KDM6A: variants seen among roughly 807,000 people sequenced by gnomAD.
The protein encoded by KDM6A is lysine demethylase 6A.
In KDM6A, 11 loss-of-function variants were observed where a neutral mutation model predicts 117.6. The observed-to-expected ratio is 0.09, with a 90% CI of 0.06 to 0.15. The LOEUF (loss-of-function observed/expected upper bound fraction) is 0.15. KDM6A is among the 10% of genes least tolerant of loss of function. The probability of loss-of-function intolerance (pLI) is 1.00; values close to 1 mark genes in which losing one functional copy is unlikely to be tolerated. For synonymous variants in KDM6A, 384 were observed against 396.1 expected (o/e 0.97, Z 0.36); for missense variants, 799 against 1,077.3 (o/e 0.74, Z 3.62).
intron 2 of KDM6A, among the ~76,000 whole-genome samples, chrX:44,878,059 GT>G (rs1325217010): frequency 9.0e-6 from 1 of 111,312 alleles, no homozygotes; most frequent in African/African-American, 3.3e-5. Context: ...TGTGTTTTTT[GT>G]TTGCTGGCAC....
At chrX:44,877,471 A>G (rs1602015653) in intron 2 of KDM6A, among the ~76,000 whole-genome samples, 1 of 110,547 alleles carries the variant, frequency 9.0e-6, no homozygotes, top group African/African-American at 3.3e-5. Context: ...ATCGAAAACT[A>G]AGCAAAATAT....
intron 2 of KDM6A, among the ~76,000 whole-genome samples, chrX:44,931,729 TTGA>T (rs1488466608): frequency 1.8e-5 from 2 of 111,758 alleles, no homozygotes; most frequent in Non-Finnish European, 3.8e-5. Flanking sequence ...GGATTAGTGT[TTGA>T]TGTGTATAGA....
chrX:45,101,409 C>A (rs1363193159), intron 27 of KDM6A, among the ~76,000 whole-genome samples: 2 of 111,487 alleles, frequency 1.8e-5, no homozygotes, highest in African/African-American at 6.5e-5. Flanking sequence ...CAATTACCTT[C>A]TATTTTTTTA....
intron 10 of KDM6A, among the ~76,000 whole-genome samples, chrX:45,058,804 A>G (rs1403111181): frequency 9.0e-6 from 1 of 111,035 alleles, no homozygotes; most frequent in Non-Finnish European, 1.9e-5. Flanking sequence ...TATAAGACAG[A>G]CTATAATATG....
chrX:44,919,877 TGGGATTACAGGCGTGAGCCAC>T (rs2035801587), intron 2 of KDM6A, among the ~76,000 whole-genome samples: 2 of 111,772 alleles, frequency 1.8e-5, no homozygotes, highest in Non-Finnish European at 3.8e-5. Context: ...CCCAAAGTGC[TGGGATTACAGGCGTGAGCCAC>T]CACGCCTGGC....
intron 3 of KDM6A, among the ~76,000 whole-genome samples, chrX:44,971,099 G>C (rs181073084): frequency 9.0e-6 from 1 of 111,246 alleles, no homozygotes; most frequent in African/African-American, 3.3e-5. Context: ...GAGAAAATCA[G>C]CCACACCATT....
chrX:44,932,503 T>G (rs1476122617), intron 2 of KDM6A, among the ~76,000 whole-genome samples: 1 of 111,845 alleles, frequency 8.9e-6, no homozygotes. Context: ...TTAGTTGACT[T>G]TTAAAAAGCA....
intron 4 of KDM6A, among the ~76,000 whole-genome samples, chrX:45,004,431 CTCACTTAGGGGACGGTCT>C (rs1397433141): frequency 9.0e-6 from 1 of 111,509 alleles, no homozygotes; most frequent in Non-Finnish European, 1.9e-5. Flanking sequence ...CCCTGAGAAG[CTCACTTAGGGGACGGTCT>C]TCTCAACTGT....
At chrX:44,933,118 C>T in intron 2 of KDM6A, among the ~76,000 whole-genome samples, 3 of 108,992 alleles carry the variant, frequency 2.8e-5, no homozygotes. Flanking sequence ...GAAATCCTGA[C>T]CTCGTGATCT....
intron 9 of KDM6A, among the ~76,000 whole-genome samples, 170 bp from the exon 10 acceptor site, chrX:45,053,659 T>A (rs1266106919): frequency 8.9e-6 from 1 of 112,148 alleles, no homozygotes; most frequent in Non-Finnish European, 1.9e-5. Context: ...GAAACTGACT[T>A]TCTTAATGGC....
Position 44,944,913 on chromosome X carries a change from A to G in KDM6A, c.226-16371A>G, listed in dbSNP as rs755847741. ...TGAGCTACCATTTCAGGTACTCTTT[A>G]TTTTGTTGTGTAGATCAGTATTTCC... On this transcript the variant is annotated intron_variant, in intron 2 of 29. Coordinates refer to ENST00000611820, the MANE Select transcript of KDM6A (RefSeq NM_001291415.2). 8.1e-5 allele frequency among the ~76,000 whole-genome samples: 9 copies of G among 111,306 alleles called. No individual in the cohort carries two copies. The South Asian group carries it at 3.4e-3, about 41-fold the overall frequency.
chrX:44,883,801 A>G (rs1447714345), intron 2 of KDM6A, among the ~76,000 whole-genome samples: 1 of 111,612 alleles, frequency 9.0e-6, no homozygotes, highest in East Asian at 2.8e-4. Flanking sequence ...AAAAGAGGGT[A>G]AAGAGTTAGA....
At chrX:45,014,355 CTCT>C (rs1375732789) in intron 5 of KDM6A, among the ~76,000 whole-genome samples, 1 of 111,730 alleles carries the variant, frequency 9.0e-6, no homozygotes, top group East Asian at 2.8e-4. Flanking sequence ...CAGTTGCAGC[CTCT>C]TCTTAGACAG....
chrX:44,910,245 G>A (rs1470537733), intron 2 of KDM6A, among the ~76,000 whole-genome samples: 4 of 111,787 alleles, frequency 3.6e-5, no homozygotes, highest in Non-Finnish European at 5.6e-5. Flanking sequence ...GGAGTGCAGT[G>A]GCGTGATCTT....
At chrX:44,932,378 T>C (rs769314802) in intron 2 of KDM6A, among the ~76,000 whole-genome samples, 28 of 110,232 alleles carry the variant, frequency 2.5e-4, no homozygotes, top group African/African-American at 8.9e-4. Flanking sequence ...CCCAGAGTGC[T>C]GGGATTACAG....
Position 45,069,879 on chromosome X carries a change from G to A in KDM6A, c.2380G>A (p.Ala794Thr). The A allele has an allele frequency of 8.3e-7, 1 of 1,211,164 alleles. No individual in the cohort carries two copies. Among genetic ancestry groups the A allele is most frequent in the South Asian group, 1.8e-5 (1 of 56,970 alleles). Residue 794 changes from alanine (A) to threonine (T), a missense_variant, in exon 18 of 30, where the codon GCC becomes ACC. Around this residue, in one of 8 missense-constraint regions of KDM6A, gnomAD observed 301 missense variants for 318.3 expected, o/e 0.95. Coordinates refer to ENST00000611820, the MANE Select transcript of KDM6A (RefSeq NM_001291415.2). ...CACTGGAGAGACACCTAACAGCACT[G>A]CCAGTGTCGAGGGACTTCCTAATCA... ...RHTGETPNST[A>T]SVEGLPNHVH...
chrX:44,874,006 G>A lies in KDM6A; in HGVS notation c.225+19G>A, dbSNP rs758432529. The A allele has an allele frequency of 8.3e-7, 1 of 1,199,890 alleles. No individual in the cohort carries two copies. Among genetic ancestry groups the A allele is most frequent in the East Asian group, 3.0e-5 (1 of 33,664 alleles). ...GGGCAAGGTAAGGCAGCTGCGAGTC[G>A]GAGCGCGGACACCGTCTCCCTGGCC... On this transcript the variant is annotated intron_variant, in intron 2 of 29. Coordinates refer to ENST00000611820, the MANE Select transcript of KDM6A (RefSeq NM_001291415.2).
intron 2 of KDM6A, among the ~76,000 whole-genome samples, chrX:44,920,257 CATTT>C (rs2035826923): frequency 9.0e-6 from 1 of 110,673 alleles, no homozygotes; most frequent in Non-Finnish European, 1.9e-5. Flanking sequence ...TTTTCAAACT[CATTT>C]ATTAGGTAGA....
At chrX:45,096,075 A>G (rs1422900829) in intron 27 of KDM6A, among the ~76,000 whole-genome samples, 2 of 111,301 alleles carry the variant, frequency 1.8e-5, no homozygotes, top group Non-Finnish European at 3.8e-5. Context: ...TTAATTCTGT[A>G]TATGTTGAGC....
Sources: gnomAD v4.1 joint callset for allele counts (sites outside exome capture counted in the v4.1 genomes callset) on GRCh38, gnomAD v4.1.1 for gene constraint, gnomAD v4.1.1 regional missense constraint, MANE v1.5 for transcripts, NCBI Gene and HGNC (gene_info 2026-07-23, HGNC 2026-07-21) for gene names.